The following DHX8 variants were observed in gnomAD, a reference collection of about 807,000 sequenced individuals.
The protein encoded by DHX8 is DEAH-box helicase 8, also known as ATP-dependent RNA helicase DHX8.
DHX8 carries 67 observed loss-of-function variants against 140.7 expected under a neutral mutation model. The ratio of observed to expected loss-of-function variants is 0.48; its 90% CI spans 0.39 to 0.58. The LOEUF (loss-of-function observed/expected upper bound fraction) is 0.58, where lower values mean the gene tolerates loss of function less well. Among genes scored for constraint, DHX8 ranks in the 20% least tolerant of loss-of-function variants. The pLI, the probability that DHX8 is intolerant of heterozygous loss-of-function variation, is 0.00. For synonymous variants in DHX8, 533 were observed against 553.2 expected (o/e 0.96, Z 0.51); for missense variants, 887 against 1,550.7 (o/e 0.57, Z 7.19).
At chr17:43,498,138 G>A (rs920020187) in intron 9 of DHX8, among the ~76,000 whole-genome samples, 3 of 148,196 alleles carry the variant, frequency 2.0e-5, no homozygotes, top group African/African-American at 7.4e-5. Context: ...ACCTGGGAAG[G>A]TGTTTTTTTT....
At chr17:43,530,196 G>C, downstream of DHX8, 1 of 1,553,226 alleles carries the variant, frequency 6.4e-7, no homozygotes, top group South Asian at 1.2e-5. Flanking sequence ...GGGGGAAGAA[G>C]GGGTGATGTG....
chr17:43,535,674 C>A (rs949350764), intron 2 of DHX8, among the ~76,000 whole-genome samples: 1 of 152,202 alleles, frequency 6.6e-6, no homozygotes, highest in African/African-American at 2.4e-5. Flanking sequence ...TCATAGGATG[C>A]TTTTAGCAGT....
At chr17:43,537,075 A>G (rs1782788553) in intron 3 of DHX8, among the ~76,000 whole-genome samples, 1 of 152,214 alleles carries the variant, frequency 6.6e-6, no homozygotes, top group African/African-American at 2.4e-5. Flanking sequence ...TAAAAATCAC[A>G]TAGGAGGCGG....
chr17:43,518,094 G>T (rs866574801), intron 18 of DHX8: 12 of 152,198 alleles, frequency 7.9e-5, no homozygotes, highest in Non-Finnish European at 1.3e-4. Context: ...TCTGCTCTGT[G>T]TTCTGCTCTG....
chr17:43,490,090 C>T (rs1450996142), intron 2 of DHX8, among the ~76,000 whole-genome samples: 1 of 152,166 alleles, frequency 6.6e-6, no homozygotes, highest in African/African-American at 2.4e-5. Context: ...TATTTACATT[C>T]TTGTTCTGTG....
At chr17:43,534,076 C>G in intron 2 of DHX8, 2 of 1,318,462 alleles carry the variant, frequency 1.5e-6, no homozygotes, top group Non-Finnish European at 2.0e-6. Flanking sequence ...TGAGGACCAG[C>G]TGGGTGACTG....
At chr17:43,489,378 G>A (rs938661475) in intron 1 of DHX8, 71 bp from the exon 2 acceptor site, 6 of 1,072,066 alleles carry the variant, frequency 5.6e-6, no homozygotes, top group Middle Eastern at 2.0e-4. Context: ...AATTAGTTTT[G>A]TTTTCACCAT....
At chr17:43,522,309 T>C in intron 22 of DHX8, 83 bp downstream of exon 22, 1 of 1,386,200 alleles carries the variant, frequency 7.2e-7, no homozygotes. Flanking sequence ...TGATTGTGTC[T>C]TCACTACTCC....
Position 43,522,092 on chromosome 17 carries a change from G to A in DHX8, c.3309G>A (p.Val1103=). ...VVSCGKSTVR[V]QKAICSGFFR... Reference sequence around the variant, plus strand: ...CCTGTGGCAAGTCCACAGTCCGAGTGCAGAAGGCCATCTGCAGTGGGTTCT... The same window carrying A: ...CCTGTGGCAAGTCCACAGTCCGAGTACAGAAGGCCATCTGCAGTGGGTTCT... Residue 1103 remains valine, a synonymous_variant, in exon 22 of 23, where the codon GTG becomes GTA. Coordinates refer to ENST00000262415, the MANE Select transcript of DHX8 (RefSeq NM_004941.3). 1 of 1,614,122 alleles carries A rather than the reference G, an allele frequency of 6.2e-7. No homozygotes were observed.
At chr17:43,530,271 TCTTC>T (rs1159647021), downstream of DHX8, 87 of 1,533,514 alleles carry the variant, frequency 5.7e-5, no homozygotes, top group Non-Finnish European at 7.0e-5. Flanking sequence ...TTCAAGAATT[TCTTC>T]CTTCCAGCCT....
chr17:43,487,006 A>G (rs1027330824), intron 1 of DHX8, among the ~76,000 whole-genome samples: 7 of 152,192 alleles, frequency 4.6e-5, no homozygotes, highest in African/African-American at 1.7e-4. Flanking sequence ...ATTTCTTGAA[A>G]GAATGTAGCC....
chr17:43,532,798 G>T, intron 2 of DHX8: 1 of 1,614,026 alleles, frequency 6.2e-7, no homozygotes, highest in South Asian at 1.1e-5. Context: ...GGGGATCATG[G>T]TATTCTTGCT....
chr17:43,496,258 T>C lies in DHX8; in HGVS notation c.1290T>C (p.Asp430=), dbSNP rs2154586462. ...AGACTGGCATTCTCCCTAAGGTGGA[T>C]GATGAAGAAGGTAACTAGTCAGTTG... ...DEETGILPKV[D]DEEDEDLEIE... Residue 430 remains aspartate, a synonymous_variant, in exon 9 of 23, where the codon GAT becomes GAC. Transcript: ENST00000262415. 6.2e-7 allele frequency: 1 copy of C among 1,612,860 alleles called. No individual in the cohort carries two copies. The highest frequency in any genetic ancestry group is 2.2e-5 in the East Asian group (1 of 44,870).
intron 3 of DHX8, among the ~76,000 whole-genome samples, chr17:43,542,170 G>A (rs148812724): frequency 1.4e-4 from 22 of 152,268 alleles, no homozygotes; most frequent in African/African-American, 5.1e-4. Context: ...AGCGCAGATC[G>A]ATCGATCCCT....
chr17:43,497,482 T>C (rs925152350), intron 9 of DHX8, among the ~76,000 whole-genome samples: 5 of 152,202 alleles, frequency 3.3e-5, no homozygotes, highest in African/African-American at 1.2e-4. Flanking sequence ...CCAAGTGTCA[T>C]GGCTCAGCCC....
chr17:43,491,940 T>A (rs1426994757), intron 4 of DHX8, among the ~76,000 whole-genome samples: 1 of 152,198 alleles, frequency 6.6e-6, no homozygotes, highest in Non-Finnish European at 1.5e-5. Flanking sequence ...ATGGCAGGGA[T>A]GATTAATATC....
rs143951187 is a variant in DHX8, at chr17:43,492,796, C to T, written c.619C>T (p.Arg207Ter). Residue 207 changes from arginine (R) to a stop codon, truncating the protein, a stop_gained, in exon 6 of 23, where the codon CGA becomes TGA. Transcript: ENST00000262415. LOFTEE classifies it high-confidence loss of function. ...DHKRRHRSRS[R>*]SRSRTRERNK... ...CAAGCGGAGACACCGATCCCGCTCT[C>T]GATCACGTTCCAGGACCCGGGAGAG... 9 of 1,613,982 alleles carry T rather than the reference C, an allele frequency of 5.6e-6. No homozygotes were observed. In the African/African-American group the frequency reaches 1.1e-4, roughly 19 times the overall value.
downstream of DHX8, among the ~76,000 whole-genome samples, chr17:43,531,613 A>G (rs547580688): frequency 6.6e-6 from 1 of 152,332 alleles, no homozygotes; most frequent in South Asian, 2.1e-4. Context: ...CTGAAGCATG[A>G]GAATCGCTTG....
chr17:43,534,352 G>C (rs1025839855), intron 2 of DHX8, among the ~76,000 whole-genome samples: 1 of 151,874 alleles, frequency 6.6e-6, no homozygotes. Flanking sequence ...AAATTAGCCG[G>C]GGATGGTGGC....
Sources: allele counts gnomAD v4.1 joint callset (sites outside exome capture counted in the v4.1 genomes callset), GRCh38; gene constraint gnomAD v4.1.1; transcripts MANE v1.5; gene names NCBI Gene and HGNC (gene_info 2026-07-23, HGNC 2026-07-21).